Variants in BCL2L11 observed in about 807,000 individuals in gnomAD.
BCL2L11 encodes the protein BCL2 like 11, also known as bcl-2-like protein 11.
BCL2L11 carries 15 observed loss-of-function variants against 20.6 expected under a neutral mutation model. The observed-to-expected ratio is 0.73, with a 90% CI of 0.49 to 1.12. The LOEUF (loss-of-function observed/expected upper bound fraction) is 1.12, where lower values mean the gene tolerates loss of function less well. BCL2L11 is among the 50% of genes most tolerant of loss of function. The pLI, the probability that BCL2L11 is intolerant of heterozygous loss-of-function variation, is 0.00. For missense variants in BCL2L11, 292 were observed against 260.9 expected (o/e 1.12, Z -0.82); for synonymous variants, 108 against 92.8 (o/e 1.16, Z -0.94).
At chr2:111,123,018 T>A (rs1457170003) in intron 1 of BCL2L11, 3 of 983,786 alleles carry the variant, frequency 3.0e-6, no homozygotes, top group Non-Finnish European at 3.6e-6. Context: ...GACCTAGTTG[T>A]AGACCTTGCA....
At position 111,167,913 on chromosome 2, in the gene BCL2L11, T is replaced by G. The variant is rs577895711; in HGVS notation, c.*3682T>G. On this transcript the variant is annotated 3_prime_UTR_variant, in exon 4 of 4. Coordinates refer to ENST00000393256, the MANE Select transcript of BCL2L11 (RefSeq NM_138621.5). ...CTGGGTGTCAAGATGTGAAAGCTTA[T>G]GGGAGCTTTAAGGAGACTTCATGGT... 1.3e-5 allele frequency: 2 copies of G among 152,862 alleles called. No individual in the cohort carries two copies. Among genetic ancestry groups the G allele is most frequent in the South Asian group, 2.1e-4 (1 of 4,824 alleles). The allele number at this position is 152,862 out of a possible 1,614,324, so 9.5% of individuals were successfully genotyped here.
At chr2:111,123,381 C>T in intron 1 of BCL2L11, 1 of 985,500 alleles carries the variant, frequency 1.0e-6, no homozygotes. Flanking sequence ...CCCGGGAAGT[C>T]AGAGCCGCTG....
chr2:111,123,637 C>T (rs1237369877), intron 1 of BCL2L11, 96 bp from the exon 2 acceptor site: 12 of 1,257,456 alleles, frequency 9.5e-6, no homozygotes, highest in Non-Finnish European at 1.2e-5. Context: ...TTGGGATTAA[C>T]CCTAAGAATT....
intron 2 of BCL2L11, chr2:111,145,956 A>G (rs1478588219): frequency 1.0e-6 from 1 of 971,194 alleles, no homozygotes; most frequent in Non-Finnish European, 1.2e-6. Flanking sequence ...AAGTAAAGAG[A>G]AAGAAAACAT....
At chr2:111,136,610 A>T (rs916636321) in intron 2 of BCL2L11, among the ~76,000 whole-genome samples, 1 of 152,220 alleles carries the variant, frequency 6.6e-6, no homozygotes, top group Non-Finnish European at 1.5e-5. Flanking sequence ...GATAAGTACA[A>T]GACAAAAGCA....
intron 3 of BCL2L11, among the ~76,000 whole-genome samples, chr2:111,159,689 G>A (rs1327637598): frequency 6.6e-6 from 1 of 152,150 alleles, no homozygotes; most frequent in Non-Finnish European, 1.5e-5. Flanking sequence ...CACTTAATTG[G>A]TCGTCCCAAG....
intron 1 of BCL2L11, chr2:111,123,136 G>A: frequency 1.0e-6 from 1 of 984,600 alleles, no homozygotes; most frequent in East Asian, 1.1e-4. Flanking sequence ...GTGCGGTACG[G>A]GAGCGGGAGG....
At chr2:111,126,146 TA>T (rs2072550067) in intron 2 of BCL2L11, among the ~76,000 whole-genome samples, 1 of 152,166 alleles carries the variant, frequency 6.6e-6, no homozygotes, top group South Asian at 2.1e-4. Context: ...TGCATGGAAA[TA>T]GTTTCTCCTT....
rs1157446458 is a variant in BCL2L11 at position 111,120,994 on chromosome 2, C to T, written c.-208C>T. On this transcript the variant is annotated 5_prime_UTR_variant, in exon 1 of 4. Coordinates refer to ENST00000393256, the MANE Select transcript of BCL2L11 (RefSeq NM_138621.5). ...CCGCTGCCGCTGCCGCCGCCGCCGCCGCCGCCGCCGCCGCCGCCGCCGCCG... is the reference window on the plus strand; with the variant it reads ...CCGCTGCCGCTGCCGCCGCCGCCGCTGCCGCCGCCGCCGCCGCCGCCGCCG... 3,941 of 391,904 alleles carry T rather than the reference C, an allele frequency of 0.01. 210 individuals carry two copies. Among genetic ancestry groups the T allele is most frequent in the African/African-American group, 0.075 (3,410 of 45,296 alleles). The allele number at this position is 391,904 out of a possible 1,614,324, so 24.3% of individuals were successfully genotyped here.
chr2:111,127,913 A>G lies in BCL2L11; in HGVS notation c.394+3774A>G, dbSNP rs78843100. On this transcript the variant is annotated intron_variant, in intron 2 of 3. Transcript: ENST00000393256. ...CATGTTGAAATGGTGTTTTAAATAT[A>G]TAGGTTAAATAAAATATAAACTTGT... 5.9e-3 allele frequency among the ~76,000 whole-genome samples: 903 copies of G among 152,288 alleles called. 29 individuals carry two copies. Among genetic ancestry groups the G allele is most frequent in the Admixed American group, 0.04 (605 of 15,298 alleles).
intron 2 of BCL2L11, among the ~76,000 whole-genome samples, chr2:111,147,205 A>G (rs1313665651): frequency 6.6e-6 from 1 of 152,140 alleles, no homozygotes; most frequent in Non-Finnish European, 1.5e-5. Context: ...CTGAAATGCT[A>G]AAGACACATC....
At chr2:111,129,530 G>A (rs1329843964) in intron 2 of BCL2L11, among the ~76,000 whole-genome samples, 1 of 152,076 alleles carries the variant, frequency 6.6e-6, no homozygotes, top group African/African-American at 2.4e-5. Context: ...AGTTTCCTAC[G>A]ATGGTAACAT....
Position 111,146,145 on chromosome 2 carries a change from A to G in BCL2L11, c.395-3899A>G, listed in dbSNP as rs2076481409. 14 of 985,364 alleles carry G rather than the reference A, an allele frequency of 1.4e-5. No homozygotes were observed. The South Asian group carries it at 1.9e-4, about 13-fold the overall frequency. The allele number at this position is 985,364 out of a possible 1,614,324, so 61.0% of individuals were successfully genotyped here. A position where few individuals can be genotyped will look rare whatever the true frequency, so the allele number is the denominator to read the frequency against. On this transcript the variant is annotated intron_variant, in intron 2 of 3. Transcript: ENST00000393256. ...AAGTGCTTTCATAAATGCTGAAACT[A>G]CATTTTCTGTGGGTAAAAATGCAGC...
intron 3 of BCL2L11, among the ~76,000 whole-genome samples, chr2:111,155,015 A>G (rs1223749113): frequency 2.0e-5 from 3 of 152,182 alleles, no homozygotes; most frequent in African/African-American, 7.2e-5. Context: ...CTTTGGCCAG[A>G]GGGCTACTGA....
Position 111,166,809 on chromosome 2 carries a change from G to A in BCL2L11, c.*2578G>A, listed in dbSNP as rs2079041218. On this transcript the variant is annotated 3_prime_UTR_variant, in exon 4 of 4. Coordinates refer to ENST00000393256, the MANE Select transcript of BCL2L11 (RefSeq NM_138621.5). ...AGAAATCAAGTTTAAAATTCCTTCT[G>A]ATTAAAAAAATATAGTGGAATACAA... The A allele has an allele frequency of 6.6e-6, 1 of 152,376 alleles. No homozygotes were observed. The allele number at this position is 152,376 out of a possible 1,614,324, so 9.4% of individuals were successfully genotyped here.
intron 3 of BCL2L11, among the ~76,000 whole-genome samples, chr2:111,158,181 C>T (rs1329075600): frequency 6.6e-6 from 1 of 152,226 alleles, no homozygotes; most frequent in Non-Finnish European, 1.5e-5. Flanking sequence ...ACATCATGCT[C>T]AACTGTGTGC....
intron 2 of BCL2L11, among the ~76,000 whole-genome samples, chr2:111,135,006 G>A (rs995849474): frequency 1.3e-5 from 2 of 152,140 alleles, no homozygotes; most frequent in African/African-American, 2.4e-5. Context: ...CCTTTTTGGG[G>A]TGCACTCAGC....
At chr2:111,147,346 T>TCTCTCTCTCACACACACA (rs760779894) in intron 2 of BCL2L11, among the ~76,000 whole-genome samples, 1 of 137,330 alleles carries the variant, frequency 7.3e-6, no homozygotes, top group African/African-American at 2.9e-5. Flanking sequence ...TCTCTCTCTC[T>TCTCTCTCTCACACACACA]CACACACACA....
chr2:111,122,282 G>C (rs1488699076), intron 1 of BCL2L11, among the ~76,000 whole-genome samples: 2 of 152,202 alleles, frequency 1.3e-5, no homozygotes, highest in East Asian at 3.9e-4. Flanking sequence ...CGGGCGCGGC[G>C]CAAGTCCTGC....
Sources: allele counts gnomAD v4.1 joint callset (sites outside exome capture counted in the v4.1 genomes callset), GRCh38; gene constraint gnomAD v4.1.1; transcripts MANE v1.5; gene names NCBI Gene and HGNC (gene_info 2026-07-23, HGNC 2026-07-21).